HMGN5: variants seen among roughly 807,000 people sequenced by gnomAD.
HMGN5 encodes high mobility group nucleosome-binding domain-containing protein 5.
A neutral mutation model predicts 9.5 loss-of-function variants in HMGN5; 4 were observed. The ratio of observed to expected loss-of-function variants is 0.42; its 90% CI spans 0.21 to 0.96. The LOEUF (loss-of-function observed/expected upper bound fraction) is 0.96, where lower values mean the gene tolerates loss of function less well. Ranked by LOEUF, HMGN5 falls within the 40% of genes least tolerant of loss-of-function variation. The probability of loss-of-function intolerance (pLI) is 0.30; values close to 1 mark genes in which losing one functional copy is unlikely to be tolerated. For synonymous variants in HMGN5, 55 were observed against 57.1 expected (o/e 0.96, Z 0.16); for missense variants, 192 against 187.5 (o/e 1.02, Z -0.14).
At chrX:81,165,827 G>T (rs1401588751) in intron 1 of HMGN5, among the ~76,000 whole-genome samples, 1 of 111,749 alleles carries the variant, frequency 8.9e-6, no homozygotes, top group African/African-American at 3.2e-5. Context: ...CCTTTTTTGT[G>T]TATTATGATA....
rs768574881 is a variant in HMGN5 at position 81,179,137 on chromosome X, G to C, written c.-124+22600C>G. On this transcript the variant is annotated intron_variant, in intron 1 of 6. Coordinates refer to ENST00000358130, the MANE Select transcript of HMGN5 (RefSeq NM_030763.3). ...ACTGGAAACATTCCCTTTGAAAACCGGCACAAGACAAGGATGCCCTCTCTC... is the reference window on the plus strand; with the variant it reads ...ACTGGAAACATTCCCTTTGAAAACCCGCACAAGACAAGGATGCCCTCTCTC... Among the ~76,000 whole-genome samples, 3 of 111,359 alleles carry C rather than the reference G, an allele frequency of 2.7e-5. No individual in the cohort carries two copies. The East Asian group carries it at 8.4e-4, about 31-fold the overall frequency.
intron 1 of HMGN5, among the ~76,000 whole-genome samples, chrX:81,137,737 A>T (rs2075315433): frequency 8.9e-6 from 1 of 111,883 alleles, no homozygotes; most frequent in African/African-American, 3.2e-5. Context: ...ACAGAAAAAC[A>T]TTGGAGAAAA....
chrX:81,161,630 A>T (rs2075397929), intron 1 of HMGN5, among the ~76,000 whole-genome samples: 1 of 110,643 alleles, frequency 9.0e-6, no homozygotes, highest in South Asian at 3.8e-4. Context: ...TCTTGAAGAG[A>T]GTGATAGAAA....
intron 1 of HMGN5, among the ~76,000 whole-genome samples, chrX:81,156,120 G>C (rs943374128): frequency 8.9e-6 from 1 of 111,827 alleles, no homozygotes; most frequent in East Asian, 2.8e-4. Context: ...TTGGCTTATG[G>C]AATAGAATTT....
Position 81,114,634 on chromosome X carries a change from C to A in HMGN5, c.*15G>T. The stretch of plus-strand genomic sequence containing the variant: ...AGGTACATGTTACCAAATTATGAAA[C>A]TACATAGGGCAGTTTTAAACAATAC... On this transcript the variant is annotated 3_prime_UTR_variant, in exon 7 of 7. Transcript: ENST00000358130. The A allele has an allele frequency of 9.3e-7, 1 of 1,074,962 alleles. No individual in the cohort carries two copies. Among genetic ancestry groups the A allele is most frequent in the Non-Finnish European group, 1.2e-6 (1 of 829,605 alleles). 88.6% of individuals were successfully genotyped at this position (1,074,962 alleles called of 1,213,427 possible).
intron 1 of HMGN5, among the ~76,000 whole-genome samples, chrX:81,179,476 C>T (rs757484787): frequency 1.2e-3 from 138 of 111,238 alleles, no homozygotes; most frequent in South Asian, 2.3e-3. Context: ...AATAAAATAC[C>T]TAGGAATCCA....
chrX:81,188,130 A>T (rs1294703050), intron 1 of HMGN5, among the ~76,000 whole-genome samples: 2 of 108,544 alleles, frequency 1.8e-5, no homozygotes, highest in East Asian at 5.8e-4. Flanking sequence ...ACAGAGTCTC[A>T]CTCTGTCACC....
At chrX:81,138,918 TA>T (rs2075319614) in intron 1 of HMGN5, among the ~76,000 whole-genome samples, 1 of 111,814 alleles carries the variant, frequency 8.9e-6, no homozygotes, top group Non-Finnish European at 1.9e-5. Context: ...GGTATATACT[TA>T]AAATATGTAC....
chrX:81,125,690 C>G (rs1204657804), intron 1 of HMGN5, among the ~76,000 whole-genome samples: 1 of 111,520 alleles, frequency 9.0e-6, no homozygotes, highest in Non-Finnish European at 1.9e-5. Context: ...AAATTTCTAC[C>G]GACTTTTAAA....
intron 1 of HMGN5, among the ~76,000 whole-genome samples, chrX:81,136,866 C>A (rs1252363499): frequency 9.0e-6 from 1 of 110,916 alleles, no homozygotes; most frequent in East Asian, 2.8e-4. Flanking sequence ...AAAAGACACA[C>A]CAAGTAAATA....
chrX:81,199,388 C>T (rs761547734), intron 1 of HMGN5, among the ~76,000 whole-genome samples: 6 of 112,443 alleles, frequency 5.3e-5, no homozygotes, highest in Admixed American at 4.7e-4. Context: ...CTTTAAAGTT[C>T]ATATGGAACC....
chrX:81,175,041 A>G (rs2075437633), intron 1 of HMGN5, among the ~76,000 whole-genome samples: 1 of 112,114 alleles, frequency 8.9e-6, no homozygotes, highest in African/African-American at 3.2e-5. Flanking sequence ...TAAGAAGAAT[A>G]AAAGAGAGTT....
intron 1 of HMGN5, 35 bp from the exon 2 acceptor site, chrX:81,121,707 A>T (rs181437781): frequency 1.0e-5 from 4 of 392,683 alleles, no homozygotes; most frequent in African/African-American, 8.0e-5. Context: ...TATTGGCAAC[A>T]TTAAACACGC....
chrX:81,118,354 A>C, intron 5 of HMGN5, 78 bp downstream of exon 5: 2 of 552,453 alleles, frequency 3.6e-6, no homozygotes, highest in Non-Finnish European at 5.9e-6. Context: ...AAGTAAAATG[A>C]TCAGCTGTAT....
rs1276165868 is a variant in HMGN5, at chrX:81,155,114, T to TAC, written c.-123-33444_-123-33443dup. ...ATATATATATATATACACACACACA[T>TAC]ACACATATATATATATATATATACT... On this transcript the variant is annotated intron_variant, in intron 1 of 6. Transcript: ENST00000358130. Among the ~76,000 whole-genome samples, 438 of 84,681 alleles carry TAC rather than the reference T, an allele frequency of 5.2e-3. 3 individuals are homozygous for TAC. Among genetic ancestry groups the TAC allele is most frequent in the African/African-American group, 0.017 (400 of 23,860 alleles). The allele number at this position is 84,681 out of a possible 115,157, so 73.5% of individuals were successfully genotyped here.
intron 1 of HMGN5, among the ~76,000 whole-genome samples, chrX:81,198,118 G>A (rs771867675): frequency 1.8e-5 from 2 of 111,513 alleles, no homozygotes; most frequent in Non-Finnish European, 3.8e-5. Context: ...TACGTACATA[G>A]GGAAGTTAGT....
chrX:81,185,538 T>C (rs1046260294), intron 1 of HMGN5, among the ~76,000 whole-genome samples: 1 of 111,916 alleles, frequency 8.9e-6, no homozygotes, highest in African/African-American at 3.2e-5. Context: ...TTTTATCAAA[T>C]ATAAGATTAC....
At chrX:81,122,616 CT>C (rs771259000) in intron 1 of HMGN5, among the ~76,000 whole-genome samples, 2 of 111,539 alleles carry the variant, frequency 1.8e-5, no homozygotes, top group Admixed American at 9.5e-5. Context: ...TCATCATGGA[CT>C]TTTTTGCAAG....
At chrX:81,194,705 A>G (rs904429888) in intron 1 of HMGN5, among the ~76,000 whole-genome samples, 1 of 111,972 alleles carries the variant, frequency 8.9e-6, no homozygotes, top group East Asian at 2.8e-4. Context: ...ACAAACTGAA[A>G]CATATTTAGT....
Sources: gnomAD v4.1 joint callset for allele counts (sites outside exome capture counted in the v4.1 genomes callset) on GRCh38, gnomAD v4.1.1 for gene constraint, MANE v1.5 for transcripts, NCBI Gene and HGNC (gene_info 2026-07-23, HGNC 2026-07-21) for gene names.